IPO11: variants seen among roughly 807,000 people sequenced by gnomAD.
IPO11 encodes importin 11.
Under a neutral mutation model 143.2 loss-of-function variants are expected in IPO11, and 66 were observed. The observed-to-expected ratio is 0.46, with a 90% confidence interval of 0.38 to 0.57. The LOEUF is 0.57. Among genes scored for constraint, IPO11 ranks in the 20% least tolerant of loss-of-function variants. The pLI, the probability that IPO11 is intolerant of heterozygous loss-of-function variation, is 0.00. For missense variants in IPO11, 1,026 were observed against 1,141.0 expected, an observed-to-expected ratio of 0.90 and a Z score of 1.45; for synonymous variants, 385 against 377.8, an observed-to-expected ratio of 1.02 and a Z score of -0.22.
chr5:62,627,703 T>G lies in IPO11; in HGVS notation c.*385T>G, dbSNP rs556657530. On this transcript the variant is annotated 3_prime_UTR_variant, in exon 30 of 30. Transcript: ENST00000325324. Reference sequence around the variant, plus strand: ...GCAACCAAAATTCATTAAATTTGGCTGCCTTATCCTTTTTTTAAGCTAATG... The same window carrying G: ...GCAACCAAAATTCATTAAATTTGGCGGCCTTATCCTTTTTTTAAGCTAATG... 1.3e-5 allele frequency: 2 copies of G among 156,686 alleles called. No individual in the cohort carries two copies. The highest frequency in any genetic ancestry group is 4.8e-5 in the African/African-American group (2 of 41,704). 9.7% of individuals were successfully genotyped at this position (156,686 alleles called of 1,614,324 possible).
intron 26 of IPO11, among the ~76,000 whole-genome samples, chr5:62,554,297 T>C (rs1011839906): frequency 6.6e-6 from 1 of 152,194 alleles, no homozygotes. Context: ...CCCATTTGTC[T>C]ATTTTTCCTT....
intron 28 of IPO11, among the ~76,000 whole-genome samples, chr5:62,596,524 T>C (rs1337581922): frequency 6.6e-6 from 1 of 152,098 alleles, no homozygotes; most frequent in African/African-American, 2.4e-5. Flanking sequence ...GCGGGGTAGA[T>C]GTTGGTGAGT....
chr5:62,429,739 T>A (rs1292755775), intron 1 of IPO11, among the ~76,000 whole-genome samples: 1 of 152,126 alleles, frequency 6.6e-6, no homozygotes, highest in Non-Finnish European at 1.5e-5. Flanking sequence ...TTCTCCTGCC[T>A]CAGCCTCCCG....
At chr5:62,542,053 T>C (rs1002237717) in intron 24 of IPO11, among the ~76,000 whole-genome samples, 2 of 151,934 alleles carry the variant, frequency 1.3e-5, no homozygotes, top group Non-Finnish European at 2.9e-5. Flanking sequence ...GCATCTCTCT[T>C]TTTTATTTCT....
chr5:62,594,263 A>G (rs1381537955), intron 28 of IPO11, among the ~76,000 whole-genome samples: 2 of 152,330 alleles, frequency 1.3e-5, no homozygotes, highest in East Asian at 3.9e-4. Flanking sequence ...AAAATCTACC[A>G]TCAGCAAGCT....
chr5:62,435,136 G>GTATATACGTA (rs1744149552), intron 1 of IPO11, among the ~76,000 whole-genome samples: 4 of 95,900 alleles, frequency 4.2e-5, no homozygotes, highest in African/African-American at 1.7e-4. Flanking sequence ...GTATATATAT[G>GTATATACGTA]TATATATGTA....
intron 27 of IPO11, among the ~76,000 whole-genome samples, chr5:62,568,119 C>A (rs1580333636): frequency 6.6e-6 from 1 of 151,798 alleles, no homozygotes; most frequent in East Asian, 2.0e-4. Context: ...GTGCATACCA[C>A]CACACCTGGC....
chr5:62,612,023 T>C (rs890892505), intron 29 of IPO11, among the ~76,000 whole-genome samples: 1 of 152,126 alleles, frequency 6.6e-6, no homozygotes, highest in Non-Finnish European at 1.5e-5. Context: ...ATGAATGATA[T>C]GTTGTGAAAT....
At chr5:62,539,088 G>A (rs1448934047) in intron 24 of IPO11, among the ~76,000 whole-genome samples, 3 of 152,156 alleles carry the variant, frequency 2.0e-5, no homozygotes, top group Non-Finnish European at 4.4e-5. Context: ...AGATCAGTAA[G>A]GACTGTATTA....
chr5:62,616,719 CAAAAAAAAAAA>C (rs538760503), intron 29 of IPO11, among the ~76,000 whole-genome samples: 9 of 84,428 alleles, frequency 1.1e-4, no homozygotes, highest in Admixed American at 2.6e-4. Flanking sequence ...GACTCTGACT[CAAAAAAAAAAA>C]AAAAAAAAAA....
At chr5:62,538,358 AC>A (rs971258745) in intron 24 of IPO11, among the ~76,000 whole-genome samples, 1 of 152,102 alleles carries the variant, frequency 6.6e-6, no homozygotes, top group Non-Finnish European at 1.5e-5. Context: ...TTGTGTCCCC[AC>A]CCAAATCACC....
chr5:62,625,653 C>T (rs915093996), intron 29 of IPO11, among the ~76,000 whole-genome samples: 2 of 152,170 alleles, frequency 1.3e-5, no homozygotes, highest in East Asian at 1.9e-4. Flanking sequence ...GGAATTTTTC[C>T]GATCTATATT....
chr5:62,503,333 A>T (rs1015399408), intron 16 of IPO11, among the ~76,000 whole-genome samples: 3 of 132,052 alleles, frequency 2.3e-5, no homozygotes, highest in East Asian at 5.0e-4. Flanking sequence ...GTATCTACTA[A>T]TATATTAATA....
chr5:62,435,092 GTATATA>G (rs1263071576), intron 1 of IPO11, among the ~76,000 whole-genome samples: 17 of 58,234 alleles, frequency 2.9e-4, no homozygotes, highest in South Asian at 5.1e-4. Flanking sequence ...GTGTATATAT[GTATATA>G]TGTATATATA....
intron 27 of IPO11, chr5:62,581,025 C>A: frequency 1.3e-6 from 2 of 1,551,084 alleles, no homozygotes; most frequent in South Asian, 2.4e-5. Context: ...AGGCTTTTGA[C>A]ATTTTGCTAG....
chr5:62,434,953 A>C (rs920568345), intron 1 of IPO11, among the ~76,000 whole-genome samples: 6 of 150,684 alleles, frequency 4.0e-5, no homozygotes, highest in African/African-American at 1.2e-4. Context: ...TGAACCCGGG[A>C]GGCAGAGGTT....
intron 27 of IPO11, among the ~76,000 whole-genome samples, chr5:62,568,972 T>A (rs975786166): frequency 6.6e-6 from 1 of 152,194 alleles, no homozygotes; most frequent in African/African-American, 2.4e-5. Context: ...CACTAGAGAG[T>A]GCCCTAAGGC....
chr5:62,598,059 T>G (rs1033336208), intron 28 of IPO11, among the ~76,000 whole-genome samples: 47 of 152,210 alleles, frequency 3.1e-4, no homozygotes, highest in Non-Finnish European at 6.0e-4. Context: ...CCTTATGTCT[T>G]TTTTAAGATC....
intron 3 of IPO11, among the ~76,000 whole-genome samples, chr5:62,444,377 C>T (rs959891410): frequency 6.6e-6 from 1 of 151,472 alleles, no homozygotes; most frequent in African/African-American, 2.4e-5. Context: ...CAGGTGTGAG[C>T]CACTGTGCCC....
Sources: gnomAD v4.1 joint callset for allele counts (sites outside exome capture counted in the v4.1 genomes callset) on GRCh38, gnomAD v4.1.1 for gene constraint, MANE v1.5 for transcripts, NCBI Gene and HGNC (gene_info 2026-07-23, HGNC 2026-07-21) for gene names.